AHI1: variants seen among roughly 807,000 people sequenced by gnomAD.
AHI1 encodes jouberin.
AHI1 carries 123 observed loss-of-function variants against 149.3 expected under a neutral mutation model. The observed-to-expected ratio is 0.82, with a 90% CI of 0.71 to 0.96. The LOEUF is 0.96. Among genes scored for constraint, AHI1 ranks in the 40% least tolerant of loss-of-function variants. The pLI, the probability that AHI1 is intolerant of heterozygous loss-of-function variation, is 0.00. For missense variants in AHI1, 1,439 were observed against 1,422.7 expected (o/e 1.01, Z -0.18); for synonymous variants, 475 against 459.8 (o/e 1.03, Z -0.42).
At chr6:135,309,922 A>G (rs567232385) in intron 26 of AHI1, among the ~76,000 whole-genome samples, 1 of 152,326 alleles carries the variant, frequency 6.6e-6, no homozygotes, top group South Asian at 2.1e-4. Flanking sequence ...GTTTAAAGCA[A>G]ATCCAAGCAT....
At chr6:135,419,120 T>C (rs183268435) in intron 20 of AHI1, among the ~76,000 whole-genome samples, 1 of 152,170 alleles carries the variant, frequency 6.6e-6, no homozygotes, top group East Asian at 1.9e-4. Flanking sequence ...TGTAAGTCAA[T>C]TAGAACTTTG....
chr6:135,449,787 C>T (rs571955799), intron 11 of AHI1, among the ~76,000 whole-genome samples: 2 of 152,278 alleles, frequency 1.3e-5, no homozygotes, highest in South Asian at 4.1e-4. Flanking sequence ...CTAACCAATA[C>T]GGAATCCACA....
intron 24 of AHI1, among the ~76,000 whole-genome samples, chr6:135,337,667 T>C (rs187003484): frequency 1.3e-4 from 20 of 150,066 alleles, no homozygotes; most frequent in African/African-American, 4.9e-4. Flanking sequence ...GAGGCTGAGG[T>C]AGGAGGACTG....
intron 23 of AHI1, among the ~76,000 whole-genome samples, chr6:135,370,878 T>C (rs1241933166): frequency 6.6e-6 from 1 of 152,158 alleles, no homozygotes; most frequent in African/African-American, 2.4e-5. Context: ...ATTCTTGTTT[T>C]CAATTTTACC....
chr6:135,361,151 C>T lies in AHI1; in HGVS notation c.3110-2964G>A, dbSNP rs570352095. ...CTAATGTAGAGATTACAACGTACCA[C>T]TGTACTATACCTTGAATTAGGATTT... On this transcript the variant is annotated intron_variant, in intron 23 of 28. Transcript: ENST00000265602. Among the ~76,000 whole-genome samples, 306 of 152,284 alleles carry T rather than the reference C, an allele frequency of 2.0e-3. 1 individual carries two copies. The highest frequency in any genetic ancestry group is 7.1e-3 in the African/African-American group (295 of 41,546).
intron 24 of AHI1, among the ~76,000 whole-genome samples, chr6:135,324,164 A>C (rs1181382967): frequency 1.3e-5 from 2 of 152,060 alleles, no homozygotes; most frequent in Admixed American, 6.6e-5. Flanking sequence ...CTATATAAAA[A>C]AACAACAAAA....
In AHI1 at chr6:135,448,275, G is replaced by A; in HGVS notation, c.1626+15C>T. 6.6e-7 allele frequency: 1 copy of A among 1,523,758 alleles called. No homozygotes were observed. The highest frequency in any genetic ancestry group is 1.3e-5 in the South Asian group (1 of 76,750). The allele number at this position is 1,523,758 out of a possible 1,614,324, so 94.4% of individuals were successfully genotyped here. ...ACACTAGATGATATACACTTAATAT[G>A]TACTATTAACTTACACAGTCTGGAA... On this transcript the variant is annotated intron_variant, in intron 12 of 28. Transcript: ENST00000265602.
intron 23 of AHI1, among the ~76,000 whole-genome samples, chr6:135,386,631 CTTTTTTTGT>C (rs1186419780): frequency 1.3e-5 from 2 of 149,706 alleles, no homozygotes; most frequent in African/African-American, 2.5e-5. Context: ...TTTTTCTTTT[CTTTTTTTGT>C]TTTTTTTGAG....
At chr6:135,331,255 G>T (rs1454353971) in intron 24 of AHI1, among the ~76,000 whole-genome samples, 1 of 152,164 alleles carries the variant, frequency 6.6e-6, no homozygotes, top group African/African-American at 2.4e-5. Context: ...GTAATGACAG[G>T]ACTAGAAAAA....
intron 20 of AHI1, among the ~76,000 whole-genome samples, chr6:135,423,633 G>T (rs952250265): frequency 6.6e-6 from 1 of 152,016 alleles, no homozygotes; most frequent in African/African-American, 2.4e-5. Context: ...GAAGTACAAA[G>T]GACTAGAAAA....
chr6:135,439,962 T>C (rs1382177220), intron 14 of AHI1, among the ~76,000 whole-genome samples: 1 of 152,106 alleles, frequency 6.6e-6, no homozygotes, highest in Non-Finnish European at 1.5e-5. Flanking sequence ...AAATCAACAT[T>C]CTCAGAACTC....
chr6:135,450,030 T>C (rs1042130854), intron 11 of AHI1, among the ~76,000 whole-genome samples: 3 of 152,120 alleles, frequency 2.0e-5, no homozygotes, highest in South Asian at 4.1e-4. Context: ...TCATCCAAGC[T>C]GAAATGTCCA....
chr6:135,309,541 G>T (rs1468466014), intron 26 of AHI1, among the ~76,000 whole-genome samples: 1 of 148,494 alleles, frequency 6.7e-6, no homozygotes, highest in African/African-American at 2.5e-5. Context: ...GGAGTGCAAT[G>T]GCGTGATCTC....
chr6:135,404,877 G>A, intron 22 of AHI1, 74 bp downstream of exon 22: 1 of 1,354,608 alleles, frequency 7.4e-7, no homozygotes, highest in African/African-American at 1.4e-5. Context: ...CAAACTCTAT[G>A]AATGGTGCAT....
chr6:135,352,046 T>C (rs573109019), intron 24 of AHI1, among the ~76,000 whole-genome samples: 81 of 152,326 alleles, frequency 5.3e-4, no homozygotes, highest in African/African-American at 1.7e-3. Flanking sequence ...CATACCTCTA[T>C]TTCCACACTG....
At chr6:135,493,627 T>C (rs925311710) in intron 3 of AHI1, among the ~76,000 whole-genome samples, 7 of 152,142 alleles carry the variant, frequency 4.6e-5, no homozygotes, top group African/African-American at 1.2e-4. Context: ...GCATGAGTAA[T>C]TGAAACCTGA....
intron 5 of AHI1, among the ~76,000 whole-genome samples, chr6:135,473,456 GT>G (rs1350924486): frequency 6.6e-6 from 1 of 152,030 alleles, no homozygotes; most frequent in Non-Finnish European, 1.5e-5. Context: ...TAAATTTCTG[GT>G]TTTTTGACTA....
chr6:135,412,750 C>T (rs1405387467), intron 20 of AHI1, among the ~76,000 whole-genome samples: 1 of 152,092 alleles, frequency 6.6e-6, no homozygotes, highest in Admixed American at 6.5e-5. Flanking sequence ...GTTACATAAT[C>T]TTGAAATGGA....
chr6:135,356,349 G>A (rs1171058257), intron 24 of AHI1, among the ~76,000 whole-genome samples: 3 of 152,130 alleles, frequency 2.0e-5, no homozygotes, highest in African/African-American at 7.2e-5. Flanking sequence ...AGAGAAGATA[G>A]GTTCAAGGAT....
Sources: allele counts gnomAD v4.1 joint callset (sites outside exome capture counted in the v4.1 genomes callset), GRCh38; gene constraint gnomAD v4.1.1; transcripts MANE v1.5; gene names NCBI Gene and HGNC (gene_info 2026-07-23, HGNC 2026-07-21).